Variants in MYO1D observed in about 807,000 individuals in gnomAD.
MYO1D encodes the protein unconventional myosin-Id.
A neutral mutation model predicts 122.0 loss-of-function variants in MYO1D; 83 were observed. The ratio of observed to expected loss-of-function variants is 0.68; its 90% CI spans 0.57 to 0.82. MYO1D has a LOEUF of 0.82. Ranked by LOEUF, MYO1D falls within the 40% of genes least tolerant of loss-of-function variation. MYO1D has a pLI of 0.00. For synonymous variants in MYO1D, 464 were observed against 446.9 expected, an observed-to-expected ratio of 1.04 and a Z score of -0.48; for missense variants, 1,157 against 1,269.5, an observed-to-expected ratio of 0.91 and a Z score of 1.35.
intron 21 of MYO1D, among the ~76,000 whole-genome samples, chr17:32,528,006 T>G (rs549446043): frequency 7.2e-5 from 11 of 152,196 alleles, no homozygotes; most frequent in Non-Finnish European, 1.5e-4. Flanking sequence ...GCCTGGCTAA[T>G]TTTTGTATTT....
At chr17:32,848,273 A>G (rs1956064055) in intron 1 of MYO1D, among the ~76,000 whole-genome samples, 1 of 152,238 alleles carries the variant, frequency 6.6e-6, no homozygotes, top group Non-Finnish European at 1.5e-5. Flanking sequence ...TTTCATAACT[A>G]TGCTGTGGTT....
At position 32,605,031 on chromosome 17, in the gene MYO1D, C is replaced by T. The variant is rs1400986393; in HGVS notation, c.2864+56G>A. The T allele has an allele frequency of 4.1e-5, 60 of 1,461,572 alleles. 1 individual carries two copies. Among genetic ancestry groups the T allele is most frequent in the African/African-American group, 7.0e-5 (5 of 71,756 alleles). 90.5% of individuals were successfully genotyped at this position (1,461,572 alleles called of 1,614,324 possible). ...CACAAAACAAGCTCAGTGATAATTA[C>T]GATTAAAGATTTCATAGATTTAAAA... On this transcript the variant is annotated intron_variant, in intron 21 of 21. Coordinates refer to ENST00000318217, the MANE Select transcript of MYO1D (RefSeq NM_015194.3).
intron 16 of MYO1D, among the ~76,000 whole-genome samples, chr17:32,670,345 T>C (rs1457438461): frequency 6.6e-6 from 1 of 152,178 alleles, no homozygotes; most frequent in Non-Finnish European, 1.5e-5. Flanking sequence ...TAAAGGGTAT[T>C]ACATGTGCAA....
At chr17:32,496,101 T>G (rs1186514666) in intron 21 of MYO1D, 2 of 152,298 alleles carry the variant, frequency 1.3e-5, no homozygotes, top group African/African-American at 4.8e-5. Context: ...CGTGAGGCAC[T>G]TTCTAAGCAC....
At chr17:32,538,996 T>C (rs996376078) in intron 21 of MYO1D, among the ~76,000 whole-genome samples, 2 of 152,094 alleles carry the variant, frequency 1.3e-5, no homozygotes, top group Non-Finnish European at 2.9e-5. Flanking sequence ...AAATAGCTAA[T>C]GCATGCTGGG....
intron 21 of MYO1D, among the ~76,000 whole-genome samples, chr17:32,560,127 T>C (rs1273924737): frequency 1.3e-5 from 2 of 152,118 alleles, no homozygotes; most frequent in Non-Finnish European, 2.9e-5. Context: ...TGGTGGCATG[T>C]GCCTGTAATC....
At chr17:32,693,527 G>C (rs749484719) in intron 16 of MYO1D, among the ~76,000 whole-genome samples, 1 of 152,264 alleles carries the variant, frequency 6.6e-6, no homozygotes, top group East Asian at 1.9e-4. Flanking sequence ...CATAGGAAAT[G>C]TTTTCCTTGC....
At chr17:32,749,072 G>T in intron 11 of MYO1D, 66 bp from the exon 12 acceptor site, 1 of 1,349,204 alleles carries the variant, frequency 7.4e-7, no homozygotes, top group Non-Finnish European at 1.1e-6. Context: ...ATATATTCCA[G>T]CTTAATATGA....
At chr17:32,608,955 T>C (rs960799164) in intron 20 of MYO1D, among the ~76,000 whole-genome samples, 4 of 152,166 alleles carry the variant, frequency 2.6e-5, no homozygotes, top group Non-Finnish European at 4.4e-5. Flanking sequence ...CTCTAGAAGA[T>C]AAAAGGATAA....
intron 21 of MYO1D, among the ~76,000 whole-genome samples, chr17:32,502,658 T>C (rs1446662138): frequency 1.3e-5 from 2 of 152,204 alleles, no homozygotes; most frequent in African/African-American, 4.8e-5. Flanking sequence ...GCCAAAATAA[T>C]TTTAAGACTA....
At chr17:32,688,920 A>AGTGT (rs3079901) in intron 16 of MYO1D, among the ~76,000 whole-genome samples, 393 of 146,552 alleles carry the variant, frequency 2.7e-3, no homozygotes, top group South Asian at 8.1e-3. Flanking sequence ...TGATTTTTGA[A>AGTGT]GTGTGTGTGT....
chr17:32,597,790 C>T (rs560415469), intron 21 of MYO1D, among the ~76,000 whole-genome samples: 10 of 149,514 alleles, frequency 6.7e-5, no homozygotes, highest in African/African-American at 2.2e-4. Flanking sequence ...ATTGCTTGAA[C>T]CTGGGAAGGT....
chr17:32,653,375 G>A (rs1444724007), intron 19 of MYO1D, among the ~76,000 whole-genome samples: 1 of 151,532 alleles, frequency 6.6e-6, no homozygotes, highest in Non-Finnish European at 1.5e-5. Context: ...AGGAGGCTGA[G>A]GCAGGTGAAT....
At chr17:32,678,082 G>A (rs914276116) in intron 16 of MYO1D, among the ~76,000 whole-genome samples, 1 of 152,062 alleles carries the variant, frequency 6.6e-6, no homozygotes, top group Admixed American at 6.6e-5. Context: ...TGCTTAAAAG[G>A]TCTTTCAAAT....
At chr17:32,808,994 C>T (rs745570201) in intron 1 of MYO1D, among the ~76,000 whole-genome samples, 1 of 152,014 alleles carries the variant, frequency 6.6e-6, no homozygotes, top group Admixed American at 6.6e-5. Flanking sequence ...TGTACGTATA[C>T]GTACATATAA....
chr17:32,601,773 A>T (rs1166714632), intron 21 of MYO1D, among the ~76,000 whole-genome samples: 2 of 152,244 alleles, frequency 1.3e-5, no homozygotes, highest in Non-Finnish European at 2.9e-5. Context: ...TCAATTTATA[A>T]AAACCACAAT....
intron 1 of MYO1D, among the ~76,000 whole-genome samples, chr17:32,870,655 A>C (rs2091170861): frequency 6.6e-6 from 1 of 152,220 alleles, no homozygotes; most frequent in Non-Finnish European, 1.5e-5. Flanking sequence ...AAGACCAATC[A>C]GCCAACATTT....
chr17:32,629,733 GA>G (rs35731553), intron 20 of MYO1D, among the ~76,000 whole-genome samples: 3,292 of 127,548 alleles, frequency 0.026, 93 homozygotes, highest in African/African-American at 0.076. Context: ...TTCATCTCAA[GA>G]AAAAAAAAAA....
At chr17:32,527,386 C>T (rs1322057833) in intron 21 of MYO1D, among the ~76,000 whole-genome samples, 2 of 152,206 alleles carry the variant, frequency 1.3e-5, no homozygotes, top group African/African-American at 2.4e-5. Flanking sequence ...TGAGGCACTG[C>T]CAGGCCCTGT....
Sources: gnomAD v4.1 joint callset for allele counts (sites outside exome capture counted in the v4.1 genomes callset) on GRCh38, gnomAD v4.1.1 for gene constraint, MANE v1.5 for transcripts, NCBI Gene and HGNC (gene_info 2026-07-23, HGNC 2026-07-21) for gene names.